The following PYGB variants were observed in gnomAD, a reference collection of about 807,000 sequenced individuals.
The protein encoded by PYGB is glycogen phosphorylase, brain form.
Under a neutral mutation model 94.3 loss-of-function variants are expected in PYGB, and 82 were observed. The observed-to-expected ratio is 0.87, with a 90% CI of 0.73 to 1.04. The LOEUF (loss-of-function observed/expected upper bound fraction) is 1.04. Ranked by LOEUF, PYGB falls within the 50% of genes least tolerant of loss-of-function variation. The pLI is 0.00. For synonymous variants in PYGB, 488 were observed against 479.1 expected (o/e 1.02, Z -0.24); for missense variants, 1,132 against 1,158.2 (o/e 0.98, Z 0.33).
intron 18 of PYGB, chr20:25,294,993 T>A: frequency 2.5e-6 from 4 of 1,614,222 alleles, no homozygotes; most frequent in Non-Finnish European, 3.4e-6. Context: ...TCTGACCACA[T>A]GCTGGGATCT....
At chr20:25,251,779 T>G (rs2092888725) in intron 1 of PYGB, among the ~76,000 whole-genome samples, 1 of 152,200 alleles carries the variant, frequency 6.6e-6, no homozygotes, top group African/African-American at 2.4e-5. Context: ...AACAATCAGT[T>G]TTTGAGACTC....
chr20:25,288,246 G>C, intron 14 of PYGB, 179 bp from the exon 15 acceptor site: 1 of 740,326 alleles, frequency 1.4e-6, no homozygotes, highest in Non-Finnish European at 2.4e-6. Flanking sequence ...GGTTCCTGGT[G>C]GGTGGGCAGG....
intron 15 of PYGB, among the ~76,000 whole-genome samples, chr20:25,290,258 G>A (rs2088453912): frequency 1.3e-5 from 2 of 152,226 alleles, no homozygotes; most frequent in South Asian, 4.1e-4. Flanking sequence ...CCAGACTTGA[G>A]GCGGACACGT....
At chr20:25,294,955 G>C (rs1342239194) in intron 18 of PYGB, 26 of 1,614,016 alleles carry the variant, frequency 1.6e-5, no homozygotes, top group South Asian at 7.7e-5. Flanking sequence ...CGATGACCGT[G>C]TCACCTGTTG....
rs201683795 is a variant in PYGB at position 25,292,510 on chromosome 20, A to C, written c.2074A>C (p.Thr692Pro). The change falls in exon 17 of 20, where the codon ACC (threonine) becomes CCC (proline). Residue 692 changes from threonine (T) to proline (P), a missense_variant. Physicochemically the swap from Thr to Pro is conservative, Grantham distance 38. Coordinates refer to ENST00000216962, the MANE Select transcript of PYGB (RefSeq NM_002862.4). ...FMLNGALTIG[T>P]MDGANVEMAE... is the part of the protein sequence containing the mutation. Reference sequence around the variant, plus strand: ...GCTCAACGGGGCCCTCACCATCGGCACCATGGACGGCGCCAACGTGGAGAT... The same window carrying C: ...GCTCAACGGGGCCCTCACCATCGGCCCCATGGACGGCGCCAACGTGGAGAT... The C allele has an allele frequency of 1.2e-6, 2 of 1,613,504 alleles. No individual in the cohort carries two copies. Among genetic ancestry groups the C allele is most frequent in the Non-Finnish European group, 1.7e-6 (2 of 1,180,020 alleles).
At chr20:25,267,867 T>G (rs2123541115) in intron 2 of PYGB, among the ~76,000 whole-genome samples, 1 of 152,254 alleles carries the variant, frequency 6.6e-6, no homozygotes, top group South Asian at 2.1e-4. Context: ...AAAATCAAGG[T>G]GACATTTGCC....
chr20:25,277,555 C>G (rs564433685), intron 7 of PYGB, among the ~76,000 whole-genome samples: 2 of 152,248 alleles, frequency 1.3e-5, no homozygotes, highest in African/African-American at 4.8e-5. Flanking sequence ...GCTCTGTGGT[C>G]CTCTCTCCGA....
rs1325138715 is a variant in PYGB at position 25,296,479 on chromosome 20, C to T, written c.2489C>T (p.Pro830Leu). 10 of 1,613,708 alleles carry T rather than the reference C, an allele frequency of 6.2e-6. No homozygotes were observed. Among genetic ancestry groups the T allele is most frequent in the Non-Finnish European group, 6.8e-6 (8 of 1,180,000 alleles). The change falls in exon 20 of 20, where the codon CCC (proline) becomes CTC (leucine). Residue 830 changes from proline (P) to leucine (L), a missense_variant. Physicochemically the swap from Pro to Leu is moderately conservative, Grantham distance 98. Coordinates refer to ENST00000216962, the MANE Select transcript of PYGB (RefSeq NM_002862.4). ...GCACGGGAGATCTGGGGTGTGGAGC[C>T]CTCCGACCTGCAGATCCCGCCCCCC... ...EYAREIWGVE[P>L]SDLQIPPPNI...
At position 25,283,182 on chromosome 20, in the gene PYGB, G is replaced by T. The variant is rs1331989494; in HGVS notation, c.1525G>T (p.Gly509Trp). The part of the protein sequence containing the change: ...GLADTIVEKI[G>W]EEFLTDLSQL... ...GAACCTTTACGTTCTCCAGAAAATT[G>T]GGGAGGAGTTCCTGACTGACCTGAG... Residue 509 changes from glycine to tryptophan, a missense_variant, in exon 13 of 20, where the codon GGG (glycine) becomes TGG (tryptophan). By Grantham distance (184) the Gly-to-Trp change is radical (BLOSUM62 -2). Coordinates refer to ENST00000216962, the MANE Select transcript of PYGB (RefSeq NM_002862.4). 2 of 1,612,752 alleles carry T rather than the reference G, an allele frequency of 1.2e-6. No homozygotes were observed. The highest frequency in any genetic ancestry group is 2.2e-5 in the East Asian group (1 of 44,860).
At chr20:25,295,713 G>T (rs202049746) in intron 19 of PYGB, 43 bp downstream of exon 19, 1 of 1,552,242 alleles carries the variant, frequency 6.4e-7, no homozygotes, top group East Asian at 2.2e-5. Context: ...AGCTGGGTGG[G>T]TCCATGTAGA....
chr20:25,287,659 AAAAC>A (rs2088429298), intron 14 of PYGB, among the ~76,000 whole-genome samples: 2 of 151,930 alleles, frequency 1.3e-5, no homozygotes, highest in African/African-American at 4.8e-5. Context: ...CTTAAAAACA[AAAAC>A]AAACAACAAC....
Position 25,290,562 on chromosome 20 carries a change from G to A in PYGB, c.1909G>A (p.Val637Met). 1.2e-6 allele frequency: 2 copies of A among 1,611,278 alleles called. No homozygotes were observed. The highest frequency in any genetic ancestry group is 1.7e-6 in the Non-Finnish European group (2 of 1,177,522). ...IGDVVNHDPVVGDRLKVIFLE... is the reference protein window; with the variant it reads ...IGDVVNHDPVMGDRLKVIFLE... ...CGACGTCGTCAATCATGACCCAGTT[G>A]TGGGTGACAGGTTGAAAGTGATCTT... Residue 637 changes from valine to methionine, a missense_variant, in exon 16 of 20, where the codon GTG becomes ATG. Val to Met is a conservative substitution (Grantham distance 21). Transcript: ENST00000216962.
intron 16 of PYGB, among the ~76,000 whole-genome samples, chr20:25,291,778 C>T (rs2088469811): frequency 1.3e-5 from 2 of 152,102 alleles, no homozygotes; most frequent in South Asian, 2.1e-4. Flanking sequence ...GTCAGGGCCC[C>T]GTTCTCCCCG....
chr20:25,281,670 C>T (rs201533991), intron 11 of PYGB, among the ~76,000 whole-genome samples: 6 of 152,196 alleles, frequency 3.9e-5, no homozygotes, highest in African/African-American at 1.4e-4. Flanking sequence ...GGGCCCCTCC[C>T]CAGTAGCTAT....
intron 11 of PYGB, among the ~76,000 whole-genome samples, 156 bp downstream of exon 11, chr20:25,281,268 C>T (rs762475480): frequency 5.3e-5 from 8 of 152,330 alleles, no homozygotes; most frequent in East Asian, 3.9e-4. Context: ...CCCAGAACAC[C>T]CTGTCAGGGT....
In PYGB at chr20:25,248,208, G is replaced by A. The variant is rs758599258; in HGVS notation, c.30G>A (p.Lys10=). 1 of 1,593,374 alleles carries A rather than the reference G, an allele frequency of 6.3e-7. No homozygotes were observed. Among genetic ancestry groups the A allele is most frequent in the South Asian group, 1.1e-5 (1 of 88,614 alleles). MAKPLTDSE[K]RKQISVRGLA... ...CGAAGCCGCTGACGGACAGCGAGAA[G>A]CGGAAGCAGATCAGCGTGCGCGGCC... The change falls in exon 1 of 20, where the codon AAG becomes AAA. Residue 10 remains lysine, a synonymous_variant. Transcript: ENST00000216962.
chr20:25,296,940 C>T lies in PYGB; in HGVS notation c.*418C>T, dbSNP rs927928227. 1 of 172,158 alleles carries T rather than the reference C, an allele frequency of 5.8e-6. No individual in the cohort carries two copies. Among genetic ancestry groups the T allele is most frequent in the Non-Finnish European group, 1.2e-5 (1 of 80,082 alleles). The allele number at this position is 172,158 out of a possible 1,614,324, so 10.7% of individuals were successfully genotyped here. On this transcript the variant is annotated 3_prime_UTR_variant, in exon 20 of 20. Transcript: ENST00000216962. ...TAGTGAAGCCTGGGAATGAGTGTTA[C>T]TGCAGCATCTGGGCTGCCAGCCACA...
intron 3 of PYGB, among the ~76,000 whole-genome samples, 190 bp from the exon 4 acceptor site, chr20:25,271,193 C>CA (rs1487796178): frequency 6.6e-6 from 1 of 152,058 alleles, no homozygotes; most frequent in Non-Finnish European, 1.5e-5. Flanking sequence ...GAGTAGCCAC[C>CA]ACGTTGATGT....
At chr20:25,251,109 A>C (rs1056793092) in intron 1 of PYGB, 41 of 152,236 alleles carry the variant, frequency 2.7e-4, no homozygotes, top group African/African-American at 9.9e-4. Flanking sequence ...ATGCTTGGCA[A>C]ATCAGCACGT....
Sources: gnomAD v4.1 joint callset for allele counts (sites outside exome capture counted in the v4.1 genomes callset) on GRCh38, gnomAD v4.1.1 for gene constraint, MANE v1.5 for transcripts, NCBI Gene and HGNC (gene_info 2026-07-23, HGNC 2026-07-21) for gene names.